The following ATP10A variants were observed in gnomAD, a reference collection of about 807,000 sequenced individuals.
ATP10A encodes the protein phospholipid-transporting ATPase VA.
In ATP10A, 111 loss-of-function variants were observed where a neutral mutation model predicts 147.8. The ratio of observed to expected loss-of-function variants is 0.75; its 90% CI spans 0.64 to 0.88. The LOEUF (loss-of-function observed/expected upper bound fraction) is 0.88. Ranked by LOEUF, ATP10A falls within the 40% of genes least tolerant of loss-of-function variation. The probability of loss-of-function intolerance (pLI) is 0.00; values close to 1 mark genes in which losing one functional copy is unlikely to be tolerated. For missense variants in ATP10A, 1,927 were observed against 1,959.0 expected (o/e 0.98, Z 0.31); for synonymous variants, 875 against 841.6 (o/e 1.04, Z -0.69).
At chr15:25,820,004 A>G (rs1249355598) in intron 1 of ATP10A, among the ~76,000 whole-genome samples, 3 of 152,190 alleles carry the variant, frequency 2.0e-5, no homozygotes, top group Admixed American at 1.3e-4. Flanking sequence ...TTAAAAGCCC[A>G]GGCTTCACCC....
chr15:25,729,914 C>T (rs931007574), intron 3 of ATP10A, among the ~76,000 whole-genome samples: 1 of 152,178 alleles, frequency 6.6e-6, no homozygotes, highest in African/African-American at 2.4e-5. Flanking sequence ...ACGTTGAAGG[C>T]TGCCCGGCCC....
intron 1 of ATP10A, among the ~76,000 whole-genome samples, chr15:25,812,444 T>G (rs181935246): frequency 3.9e-5 from 6 of 152,348 alleles, no homozygotes; most frequent in Admixed American, 3.3e-4. Flanking sequence ...AGTTTCTTTT[T>G]TCATTCAAAG....
At chr15:25,806,103 A>G (rs1038225493) in intron 1 of ATP10A, among the ~76,000 whole-genome samples, 1 of 152,100 alleles carries the variant, frequency 6.6e-6, no homozygotes, top group Non-Finnish European at 1.5e-5. Context: ...GTCCATATAC[A>G]TGTGGTTTTT....
intron 13 of ATP10A, among the ~76,000 whole-genome samples, chr15:25,696,587 C>T (rs559773672): frequency 4.2e-4 from 64 of 152,258 alleles, no homozygotes; most frequent in African/African-American, 1.5e-3. Context: ...GCCGATGGAC[C>T]GGGAGAGGAG....
chr15:25,831,666 T>C (rs1355788707), intron 1 of ATP10A, among the ~76,000 whole-genome samples: 1 of 152,194 alleles, frequency 6.6e-6, no homozygotes, highest in East Asian at 1.9e-4. Context: ...AAGGGGAACC[T>C]GCACCTATAG....
chr15:25,838,899 A>G (rs1892694106), intron 1 of ATP10A, among the ~76,000 whole-genome samples: 1 of 152,266 alleles, frequency 6.6e-6, no homozygotes, highest in East Asian at 1.9e-4. Flanking sequence ...GTCTTCCCAT[A>G]TAACTGCAAG....
chr15:25,746,458 T>G (rs1282192455), intron 2 of ATP10A, among the ~76,000 whole-genome samples: 1 of 152,122 alleles, frequency 6.6e-6, no homozygotes, highest in African/African-American at 2.4e-5. Context: ...AACCAGGAAG[T>G]TATATATTTG....
chr15:25,682,179 T>C (rs58574872), intron 17 of ATP10A, among the ~76,000 whole-genome samples: 2 of 152,070 alleles, frequency 1.3e-5, no homozygotes, highest in Non-Finnish European at 1.5e-5. Flanking sequence ...TGAGCCCTTC[T>C]ATTCCTTCCA....
chr15:25,673,423 G>A (rs1184407585), downstream of ATP10A, among the ~76,000 whole-genome samples: 1 of 152,208 alleles, frequency 6.6e-6, no homozygotes, highest in Admixed American at 6.5e-5. Context: ...CTGCAAAAGA[G>A]GTACATTTCT....
chr15:25,778,831 C>T (rs72705882), intron 2 of ATP10A, among the ~76,000 whole-genome samples: 11,324 of 152,082 alleles, frequency 0.074, 511 homozygotes, highest in Middle Eastern at 0.2. Flanking sequence ...ACTGTAGATA[C>T]GACTGGGTTC....
downstream of ATP10A, among the ~76,000 whole-genome samples, chr15:25,676,558 A>G (rs535598476): frequency 5.9e-5 from 9 of 152,268 alleles, no homozygotes; most frequent in South Asian, 1.9e-3. Flanking sequence ...CAGTCTGGGT[A>G]TATTTGTGAT....
At chr15:25,844,772 C>A (rs1892944933) in intron 1 of ATP10A, among the ~76,000 whole-genome samples, 1 of 152,178 alleles carries the variant, frequency 6.6e-6, no homozygotes, top group African/African-American at 2.4e-5. Flanking sequence ...CTTGTGGACC[C>A]TGTGGCTTGC....
At chr15:25,854,538 G>C (rs1893425696) in intron 1 of ATP10A, among the ~76,000 whole-genome samples, 1 of 152,220 alleles carries the variant, frequency 6.6e-6, no homozygotes, top group Non-Finnish European at 1.5e-5. Flanking sequence ...AACAAATTAT[G>C]TGACTCAAAG....
chr15:25,798,230 A>G (rs1890773561), intron 1 of ATP10A, among the ~76,000 whole-genome samples: 1 of 152,134 alleles, frequency 6.6e-6, no homozygotes, highest in South Asian at 2.1e-4. Context: ...CAAAACTCCA[A>G]ACAAGTCTCC....
chr15:25,720,341 C>T (rs1020535718), intron 7 of ATP10A, among the ~76,000 whole-genome samples: 6 of 152,122 alleles, frequency 3.9e-5, no homozygotes, highest in East Asian at 1.9e-4. Context: ...CTCTCTGAGT[C>T]GTTTTGAAAT....
At chr15:25,749,724 A>AAG (rs1888048191) in intron 2 of ATP10A, among the ~76,000 whole-genome samples, 1 of 152,200 alleles carries the variant, frequency 6.6e-6, no homozygotes, top group Admixed American at 6.6e-5. Flanking sequence ...AATGACATTA[A>AAG]AGCAGTAATT....
At chr15:25,787,543 T>C (rs981380457) in intron 1 of ATP10A, among the ~76,000 whole-genome samples, 4 of 149,906 alleles carry the variant, frequency 2.7e-5, no homozygotes, top group Non-Finnish European at 4.4e-5. Flanking sequence ...CCTGGGAAAG[T>C]TGAGGTGGCA....
intron 16 of ATP10A, chr15:25,683,746 T>C (rs1899557355): frequency 3.8e-6 from 2 of 520,176 alleles, no homozygotes; most frequent in Non-Finnish European, 6.9e-6. Flanking sequence ...GAGCAGCACT[T>C]GCGGGGATGA....
At chr15:25,811,820 G>A (rs906463427) in intron 1 of ATP10A, among the ~76,000 whole-genome samples, 3 of 152,174 alleles carry the variant, frequency 2.0e-5, no homozygotes, top group African/African-American at 7.2e-5. Context: ...ATGTGGGCTT[G>A]TCCTCCCATC....
Sources: gnomAD v4.1 joint callset for allele counts (sites outside exome capture counted in the v4.1 genomes callset) on GRCh38, gnomAD v4.1.1 for gene constraint, MANE v1.5 for transcripts, NCBI Gene and HGNC (gene_info 2026-07-23, HGNC 2026-07-21) for gene names.